Variants in DCAF6 observed in about 807,000 individuals in gnomAD.
DCAF6 encodes the protein DDB1- and CUL4-associated factor 6.
In DCAF6, 54 loss-of-function variants were observed where a neutral mutation model predicts 125.1. That is an observed-to-expected ratio of 0.43 (90% confidence interval 0.35 to 0.54). The LOEUF is 0.54. Among genes scored for constraint, DCAF6 ranks in the 20% least tolerant of loss-of-function variants. The probability of loss-of-function intolerance (pLI) is 0.01; values close to 1 mark genes in which losing one functional copy is unlikely to be tolerated. For synonymous variants in DCAF6, 371 were observed against 390.4 expected (o/e 0.95, Z 0.58); for missense variants, 934 against 1,161.7 (o/e 0.80, Z 2.85).
intron 3 of DCAF6, among the ~76,000 whole-genome samples, chr1:167,970,411 G>A (rs542200869): frequency 2.0e-5 from 3 of 152,294 alleles, no homozygotes; most frequent in Non-Finnish European, 4.4e-5. Context: ...AGCACTTTGG[G>A]AGGCCCGAGG....
intron 17 of DCAF6, chr1:168,056,143 A>C: frequency 3.8e-6 from 6 of 1,598,674 alleles, no homozygotes; most frequent in Non-Finnish European, 5.1e-6. Context: ...TGTTTGTTCA[A>C]TTTTGTCCCA....
intron 16 of DCAF6, among the ~76,000 whole-genome samples, chr1:168,047,010 CACTT>C (rs932855976): frequency 1.3e-5 from 2 of 152,022 alleles, no homozygotes; most frequent in African/African-American, 4.8e-5. Context: ...CTAATTATAA[CACTT>C]AATACCAAGC....
intron 5 of DCAF6, among the ~76,000 whole-genome samples, chr1:167,987,979 TA>T (rs1157290419): frequency 1.3e-5 from 2 of 151,716 alleles, no homozygotes; most frequent in African/African-American, 2.4e-5. Context: ...AAATAGCAGT[TA>T]TAAAAGCTTG....
chr1:167,952,350 T>C (rs1188688270), intron 2 of DCAF6, among the ~76,000 whole-genome samples: 1 of 152,242 alleles, frequency 6.6e-6, no homozygotes, highest in Non-Finnish European at 1.5e-5. Context: ...CCTGGGTAGC[T>C]GGGACTACAG....
intron 5 of DCAF6, 85 bp from the exon 6 acceptor site, chr1:167,991,119 T>A: frequency 2.5e-6 from 3 of 1,180,826 alleles, no homozygotes; most frequent in Non-Finnish European, 3.5e-6. Context: ...ATGGTTATTC[T>A]AATTACTAAT....
At chr1:167,977,964 T>A (rs1168209247) in intron 4 of DCAF6, among the ~76,000 whole-genome samples, 2 of 152,174 alleles carry the variant, frequency 1.3e-5, no homozygotes, top group Non-Finnish European at 2.9e-5. Context: ...TTTTTCTGTT[T>A]TTGAACGTTA....
chr1:167,972,820 A>G (rs1199256633), intron 3 of DCAF6, among the ~76,000 whole-genome samples: 1 of 152,108 alleles, frequency 6.6e-6, no homozygotes, highest in East Asian at 1.9e-4. Flanking sequence ...AAATCTAGAG[A>G]TTTGTTCAAA....
the DCAF6 span, among the ~76,000 whole-genome samples, chr1:167,925,494 C>T: frequency 1.0e-4 from 13 of 125,194 alleles, no homozygotes; most frequent in African/African-American, 2.3e-4. Context: ...TATACACACA[C>T]ATATATATAT....
intron 12 of DCAF6, among the ~76,000 whole-genome samples, chr1:168,036,010 C>G (rs1431851225): frequency 6.6e-6 from 1 of 151,898 alleles, no homozygotes; most frequent in East Asian, 1.9e-4. Context: ...TGCAGTGGGC[C>G]GAGATCGCGC....
At chr1:167,951,386 C>A (rs1253920354) in intron 1 of DCAF6, among the ~76,000 whole-genome samples, 1 of 152,070 alleles carries the variant, frequency 6.6e-6, no homozygotes, top group Non-Finnish European at 1.5e-5. Flanking sequence ...ACCAGCCTGG[C>A]CCACATGATG....
At chr1:168,010,791 A>G (rs1684174080) in intron 10 of DCAF6, among the ~76,000 whole-genome samples, 1 of 151,848 alleles carries the variant, frequency 6.6e-6, no homozygotes, top group East Asian at 1.9e-4. Flanking sequence ...CCTATCAGAC[A>G]TCTCTTTCAG....
intron 1 of DCAF6, among the ~76,000 whole-genome samples, chr1:167,945,455 T>TTG (rs779197718): frequency 6.6e-6 from 1 of 151,842 alleles, no homozygotes; most frequent in Non-Finnish European, 1.5e-5. Context: ...TATTCCTAGT[T>TTG]TGTGTGTGTG....
At chr1:167,864,794 TC>T in the DCAF6 span, among the ~76,000 whole-genome samples, 1 of 151,590 alleles carries the variant, frequency 6.6e-6, no homozygotes, top group Non-Finnish European at 1.5e-5. Context: ...CAAGGGCGTA[TC>T]CCGAAAGCAC....
intron 15 of DCAF6, 50 bp downstream of exon 15, chr1:168,044,721 T>G: frequency 6.8e-7 from 1 of 1,468,608 alleles, no homozygotes; most frequent in Non-Finnish European, 9.5e-7. Flanking sequence ...ATAAAAAGCC[T>G]TAATCTATGT....
chr1:167,924,521 G>A, the DCAF6 span: 552,486 of 1,563,170 alleles, frequency 0.35, 103,008 homozygotes, highest in African/African-American at 0.61. Context: ...GAGCCCAGAA[G>A]AAAACTGTTC....
the DCAF6 span, among the ~76,000 whole-genome samples, chr1:167,921,528 G>C: frequency 2.0e-5 from 3 of 152,036 alleles, no homozygotes; most frequent in Admixed American, 1.3e-4. Flanking sequence ...GGCCTTGGCT[G>C]TTACGCCATT....
Position 168,004,746 on chromosome 1 carries a change from A to G in DCAF6, c.1331A>G (p.Gln444Arg). ...TPLLSSPDSE[Q>R]RQSVEASGHH... The stretch of plus-strand genomic sequence containing the variant: ...TTGCTATCTTCTCCAGACAGTGAAC[A>G]AAGGCAGTCTGTTGAGGCATCTGGA... The change falls in exon 10 of 22, where the codon CAA becomes CGA. Residue 444 changes from glutamine (Q) to arginine (R), a missense_variant. Physicochemically the swap from Gln to Arg is conservative, Grantham distance 43. Transcript: ENST00000367840. 1.2e-6 allele frequency: 2 copies of G among 1,613,972 alleles called. No individual in the cohort carries two copies. The highest frequency in any genetic ancestry group is 2.2e-5 in the South Asian group (2 of 91,074).
chr1:168,056,330 C>A, intron 17 of DCAF6: 1 of 1,600,980 alleles, frequency 6.2e-7, no homozygotes, highest in South Asian at 1.1e-5. Flanking sequence ...CCCCCAGCTG[C>A]CAGGGCCTCG....
the DCAF6 span, among the ~76,000 whole-genome samples, chr1:167,898,530 C>T: frequency 8.0e-5 from 12 of 150,470 alleles, no homozygotes; most frequent in African/African-American, 2.7e-4. Flanking sequence ...ACCCGGGAGG[C>T]GGAGGTTGCA....
Sources: gnomAD v4.1 joint callset for allele counts (sites outside exome capture counted in the v4.1 genomes callset) on GRCh38, gnomAD v4.1.1 for gene constraint, MANE v1.5 for transcripts, NCBI Gene and HGNC (gene_info 2026-07-23, HGNC 2026-07-21) for gene names.